PTPRT: variants seen among roughly 807,000 people sequenced by gnomAD.
PTPRT encodes protein tyrosine phosphatase receptor type T.
In PTPRT, 56 loss-of-function variants were observed where a neutral mutation model predicts 176.8. That is an observed-to-expected ratio of 0.32 (90% CI 0.26 to 0.40). PTPRT has a LOEUF of 0.40. Among genes scored for constraint, PTPRT ranks in the 10% least tolerant of loss-of-function variants. The pLI is 1.00. For missense variants in PTPRT, 1,540 were observed against 1,908.2 expected (o/e 0.81, Z 3.60); for synonymous variants, 783 against 739.0 (o/e 1.06, Z -0.96).
At chr20:42,689,531 C>A (rs1252033008) in intron 6 of PTPRT, among the ~76,000 whole-genome samples, 1 of 152,182 alleles carries the variant, frequency 6.6e-6, no homozygotes, top group Non-Finnish European at 1.5e-5. Flanking sequence ...CGTTTCACAT[C>A]CTGCAAGGGA....
intron 7 of PTPRT, among the ~76,000 whole-genome samples, chr20:42,504,380 A>G (rs993787275): frequency 3.3e-5 from 5 of 152,174 alleles, no homozygotes; most frequent in African/African-American, 1.2e-4. Context: ...TCCTCTTTGC[A>G]ACTGTCTCAA....
chr20:42,763,755 G>T (rs1441820474), intron 5 of PTPRT, among the ~76,000 whole-genome samples: 1 of 152,148 alleles, frequency 6.6e-6, no homozygotes, highest in African/African-American at 2.4e-5. Flanking sequence ...TTTATTAAAA[G>T]TCAGAAGAAA....
intron 7 of PTPRT, among the ~76,000 whole-genome samples, chr20:42,474,446 G>T (rs2071252496): frequency 6.6e-6 from 1 of 152,186 alleles, no homozygotes; most frequent in African/African-American, 2.4e-5. Flanking sequence ...GCAGGAGTGA[G>T]GGTGTTGAGG....
chr20:42,335,925 A>G (rs2058033296), intron 11 of PTPRT, among the ~76,000 whole-genome samples: 2 of 152,174 alleles, frequency 1.3e-5, no homozygotes, highest in Non-Finnish European at 2.9e-5. Flanking sequence ...TTCAAATTTC[A>G]TATCGGCTGC....
At chr20:42,188,681 A>G (rs571418461) in intron 16 of PTPRT, among the ~76,000 whole-genome samples, 3 of 152,278 alleles carry the variant, frequency 2.0e-5, no homozygotes, top group East Asian at 1.9e-4. Flanking sequence ...ATATATTTAC[A>G]TCGTCAACAT....
chr20:42,910,395 A>G (rs1021808267), intron 1 of PTPRT, among the ~76,000 whole-genome samples: 1 of 152,224 alleles, frequency 6.6e-6, no homozygotes, highest in African/African-American at 2.4e-5. Context: ...AGAATCAATG[A>G]AAATTTTTAT....
rs534242102 is a variant in PTPRT at position 42,742,918 on chromosome 20, A to G, written c.859+13544T>C. Among the ~76,000 whole-genome samples the G allele has an allele frequency of 3.8e-3, 575 of 152,284 alleles. 5 individuals carry two copies. Among genetic ancestry groups the G allele is most frequent in the African/African-American group, 0.013 (551 of 41,548 alleles). On this transcript the variant is annotated intron_variant, in intron 6 of 30. Transcript: ENST00000373187. Reference sequence around the variant, plus strand: ...ATGAACCCCAGGTTTGCCTGCTTCTAAAGTGCAGCCTCCTCACCTCCCCTT... The same window carrying G: ...ATGAACCCCAGGTTTGCCTGCTTCTGAAGTGCAGCCTCCTCACCTCCCCTT...
intron 1 of PTPRT, among the ~76,000 whole-genome samples, chr20:42,891,036 C>T (rs1487187439): frequency 6.6e-6 from 1 of 152,204 alleles, no homozygotes; most frequent in African/African-American, 2.4e-5. Context: ...TGCCGCCTCC[C>T]CAGCCACATG....
chr20:42,549,680 A>G (rs1014400214), intron 7 of PTPRT, among the ~76,000 whole-genome samples: 1 of 152,166 alleles, frequency 6.6e-6, no homozygotes, highest in Non-Finnish European at 1.5e-5. Context: ...AGCCATGTGT[A>G]AACACATGCC....
At chr20:42,904,493 C>A (rs1041577759) in intron 1 of PTPRT, among the ~76,000 whole-genome samples, 1 of 152,172 alleles carries the variant, frequency 6.6e-6, no homozygotes, top group African/African-American at 2.4e-5. Context: ...TCTTGACAGT[C>A]TACCACAGTA....
intron 23 of PTPRT, among the ~76,000 whole-genome samples, chr20:42,107,646 T>C (rs1325167117): frequency 6.6e-6 from 1 of 152,190 alleles, no homozygotes; most frequent in African/African-American, 2.4e-5. Flanking sequence ...AAGAGGCACG[T>C]AAGACATGTG....
chr20:42,542,130 C>A (rs183519438), intron 7 of PTPRT, among the ~76,000 whole-genome samples: 1 of 152,256 alleles, frequency 6.6e-6, no homozygotes, highest in African/African-American at 2.4e-5. Context: ...TCTTCCTCTG[C>A]CATGATTGTG....
intron 10 of PTPRT, among the ~76,000 whole-genome samples, chr20:42,351,088 C>T (rs1449539134): frequency 6.7e-6 from 1 of 150,348 alleles, no homozygotes; most frequent in African/African-American, 2.4e-5. Flanking sequence ...CAAATTACAT[C>T]AATTATGAAC....
intron 9 of PTPRT, among the ~76,000 whole-genome samples, chr20:42,407,746 GAC>G (rs1489544884): frequency 6.6e-6 from 1 of 152,044 alleles, no homozygotes. Context: ...CAAATGATGT[GAC>G]TCTAAACTTA....
At chr20:43,134,083 T>C (rs1346486930) in intron 1 of PTPRT, among the ~76,000 whole-genome samples, 1 of 152,136 alleles carries the variant, frequency 6.6e-6, no homozygotes, top group Non-Finnish European at 1.5e-5. Context: ...CAGAGGGACA[T>C]GATAAACACC....
At chr20:42,113,710 C>G (rs1190529268) in intron 22 of PTPRT, among the ~76,000 whole-genome samples, 2 of 152,240 alleles carry the variant, frequency 1.3e-5, no homozygotes, top group Admixed American at 6.5e-5. Context: ...TTCCCACTCT[C>G]TCTTAGGAAT....
At chr20:42,583,008 T>C (rs2073404090) in intron 7 of PTPRT, among the ~76,000 whole-genome samples, 1 of 152,154 alleles carries the variant, frequency 6.6e-6, no homozygotes, top group African/African-American at 2.4e-5. Context: ...TCCACCTCAC[T>C]CATCTCTACA....
At chr20:42,169,792 A>ACACACACACACC (rs781141603) in intron 16 of PTPRT, among the ~76,000 whole-genome samples, 5 of 95,352 alleles carry the variant, frequency 5.2e-5, no homozygotes, top group South Asian at 3.9e-4. Flanking sequence ...ACACACACAC[A>ACACACACACACC]ACAGTCAGTA....
intron 9 of PTPRT, among the ~76,000 whole-genome samples, chr20:42,438,185 G>A (rs1006897847): frequency 6.6e-5 from 10 of 152,114 alleles, no homozygotes; most frequent in African/African-American, 1.7e-4. Flanking sequence ...GAAAGCCCAC[G>A]CCCTGACAAA....
Sources: gnomAD v4.1 joint callset for allele counts (sites outside exome capture counted in the v4.1 genomes callset) on GRCh38, gnomAD v4.1.1 for gene constraint, MANE v1.5 for transcripts, NCBI Gene and HGNC (gene_info 2026-07-23, HGNC 2026-07-21) for gene names.